Variants in RNF6 observed in about 807,000 individuals in gnomAD.
RNF6 encodes ring finger protein 6, also known as E3 ubiquitin-protein ligase RNF6.
Under a neutral mutation model 50.1 loss-of-function variants are expected in RNF6, and 21 were observed. That is an observed-to-expected ratio of 0.42 (90% CI 0.30 to 0.60). The LOEUF (loss-of-function observed/expected upper bound fraction) is 0.60, where lower values mean the gene tolerates loss of function less well. RNF6 is among the 20% of genes least tolerant of loss of function. RNF6 has a pLI of 0.20. For missense variants in RNF6, 698 were observed against 838.2 expected (o/e 0.83, Z 2.07); for synonymous variants, 255 against 291.8 (o/e 0.87, Z 1.29).
At chr13:26,155,905 G>T (rs1871896305) in intron 5 of RNF6, among the ~76,000 whole-genome samples, 1 of 152,172 alleles carries the variant, frequency 6.6e-6, no homozygotes, top group Admixed American at 6.5e-5. Context: ...ACAGGTCCTG[G>T]TTAGACAACC....
intron 4 of RNF6, among the ~76,000 whole-genome samples, chr13:26,216,112 G>T (rs370363214): frequency 5.9e-4 from 90 of 152,324 alleles, no homozygotes; most frequent in African/African-American, 2.0e-3. Context: ...ATCAAGAAAT[G>T]TGAGTTTCTG....
intron 5 of RNF6, among the ~76,000 whole-genome samples, chr13:26,176,197 C>T (rs878897728): frequency 1.3e-5 from 2 of 152,194 alleles, no homozygotes; most frequent in Admixed American, 1.3e-4. Flanking sequence ...CCTTCCTAGT[C>T]AAAACTGGCC....
intron 5 of RNF6, among the ~76,000 whole-genome samples, chr13:26,200,096 C>T (rs1868838499): frequency 6.6e-6 from 1 of 152,212 alleles, no homozygotes; most frequent in African/African-American, 2.4e-5. Flanking sequence ...TAATCTTGCA[C>T]TTCCCGACCT....
At chr13:26,163,654 C>A (rs866704458) in intron 5 of RNF6, among the ~76,000 whole-genome samples, 73 of 152,172 alleles carry the variant, frequency 4.8e-4, no homozygotes, top group African/African-American at 1.5e-3. Context: ...CCTCTCAACA[C>A]CTCTGCTTCT....
chr13:26,215,721 A>G (rs1348448111), intron 4 of RNF6, 129 bp from the exon 5 acceptor site: 1 of 802,834 alleles, frequency 1.2e-6, no homozygotes, highest in Non-Finnish European at 1.9e-6. Context: ...TGAATGAAAG[A>G]TGGCAAAAAG....
chr13:26,185,518 G>A (rs370333334), intron 5 of RNF6, among the ~76,000 whole-genome samples: 2 of 152,178 alleles, frequency 1.3e-5, no homozygotes, highest in South Asian at 2.1e-4. Context: ...AGGCCGAGGT[G>A]GGCGGATCAC....
Position 26,198,614 on chromosome 13 carries a change from C to T in RNF6, n.768+16860G>A, listed in dbSNP as rs569347503. On this transcript the variant is annotated intron_variant and non_coding_transcript_variant, in intron 5 of 5. Coordinates refer to the RNF6 transcript ENST00000468480. The stretch of plus-strand genomic sequence containing the variant: ...ACAAGGCAATGATGTCCACTCTCAC[C>T]ACTTCTACTTAACACTGTAATGAAG... 2.0e-5 allele frequency among the ~76,000 whole-genome samples: 3 copies of T among 151,900 alleles called. No individual in the cohort carries two copies. The East Asian group carries it at 5.8e-4, about 29-fold the overall frequency.
rs779248635 is a variant in RNF6 at position 26,214,296 on chromosome 13, CTGT to C, written c.1583_1585del (p.Asn528del). The C allele has an allele frequency of 1.3e-5, 21 of 1,613,984 alleles. No homozygotes were observed. The highest frequency in any genetic ancestry group is 1.7e-5 in the Non-Finnish European group (20 of 1,180,026). ...AGAGGAACCTTCCCTGTGCTGGCTC[CTGT>C]TGTTATCTGTACCTAAGTTACTCAG... On this transcript the variant is annotated inframe_deletion, in exon 5 of 5. Transcript: ENST00000381588.
At chr13:26,156,959 G>A (rs1871958157) in intron 5 of RNF6, among the ~76,000 whole-genome samples, 1 of 152,092 alleles carries the variant, frequency 6.6e-6, no homozygotes, top group Non-Finnish European at 1.5e-5. Flanking sequence ...ATTAAGCTGG[G>A]TCTCTACCTT....
chr13:26,199,105 C>T (rs114887674), intron 5 of RNF6, among the ~76,000 whole-genome samples: 3,743 of 151,860 alleles, frequency 0.025, 253 homozygotes, highest in African/African-American at 0.085. Context: ...TGTTCTTTTA[C>T]ATAGACATTA....
At chr13:26,180,982 G>A (rs923027332) in intron 5 of RNF6, among the ~76,000 whole-genome samples, 1 of 152,194 alleles carries the variant, frequency 6.6e-6, no homozygotes, top group Admixed American at 6.5e-5. Context: ...TTGGGGTGCT[G>A]GCTGTCCAGG....
rs545099988 is a variant in RNF6 at position 26,148,248 on chromosome 13, A to G, written n.769-15797T>C. On this transcript the variant is annotated intron_variant and non_coding_transcript_variant, in intron 5 of 5. Coordinates refer to the RNF6 transcript ENST00000468480. ...TGGGGGAAACTGCCCCCATGATCCA[A>G]TCACCTCCTACCAGGTCCCTTCTTT... Among the ~76,000 whole-genome samples the G allele has an allele frequency of 9.9e-5, 15 of 152,168 alleles. No homozygotes were observed. The East Asian group carries it at 1.2e-3, about 12-fold the overall frequency.
chr13:26,149,580 C>A (rs1247388350), intron 5 of RNF6, among the ~76,000 whole-genome samples: 2 of 150,942 alleles, frequency 1.3e-5, no homozygotes, highest in African/African-American at 4.9e-5. Context: ...GGGTGAGACT[C>A]CGTCTAAAAA....
chr13:26,215,029 C>T lies in RNF6; in HGVS notation c.853G>A (p.Ala285Thr). 5.6e-6 allele frequency: 9 copies of T among 1,614,182 alleles called. No individual in the cohort carries two copies. The highest frequency in any genetic ancestry group is 6.8e-6 in the Non-Finnish European group (8 of 1,180,014). Residue 285 changes from alanine (A) to threonine (T), a missense_variant, in exon 5 of 5, where the codon GCT becomes ACT. By Grantham distance (58) the Ala-to-Thr change is moderately conservative. Transcript: ENST00000381588. ...FGAAHVWENG[A>T]RSNVTVRNTN... The stretch of plus-strand genomic sequence containing the variant: ...TTCCTCACTGTAACATTACTTCTAG[C>T]CCCATTTTCCCAAACATGTGCTGCT...
intron 5 of RNF6, among the ~76,000 whole-genome samples, chr13:26,134,884 A>G (rs548857655): frequency 5.3e-5 from 8 of 152,276 alleles, no homozygotes; most frequent in Non-Finnish European, 1.0e-4. Context: ...ATGTTTCTGT[A>G]TTATTTATAT....
At chr13:26,185,499 C>A (rs1196624621) in intron 5 of RNF6, among the ~76,000 whole-genome samples, 1 of 152,040 alleles carries the variant, frequency 6.6e-6, no homozygotes, top group Non-Finnish European at 1.5e-5. Flanking sequence ...GTAATCCCAG[C>A]ACTTTGGGAG....
upstream of RNF6, chr13:26,222,336 C>T (rs1301328690): frequency 6.6e-6 from 1 of 152,286 alleles, no homozygotes; most frequent in African/African-American, 2.4e-5. Context: ...CCGTCGGGAG[C>T]TAGGGTGCCT....
At chr13:26,172,624 A>C (rs1357115778) in intron 5 of RNF6, among the ~76,000 whole-genome samples, 1 of 151,894 alleles carries the variant, frequency 6.6e-6, no homozygotes, top group Non-Finnish European at 1.5e-5. Context: ...GCCCACGGAA[A>C]GCTCTGCCTG....
intron 4 of RNF6, 72 bp from the exon 5 acceptor site, chr13:26,215,664 A>G: frequency 3.9e-6 from 5 of 1,268,456 alleles, no homozygotes; most frequent in Non-Finnish European, 4.3e-6. Context: ...AAAACTTGTA[A>G]GAAAAACAAA....
Sources: gnomAD v4.1 joint callset for allele counts (sites outside exome capture counted in the v4.1 genomes callset) on GRCh38, gnomAD v4.1.1 for gene constraint, MANE v1.5 for transcripts, NCBI Gene and HGNC (gene_info 2026-07-23, HGNC 2026-07-21) for gene names.